The following MARCHF1 variants were observed in gnomAD, a reference collection of about 807,000 sequenced individuals.
The protein encoded by MARCHF1 is membrane associated ring-CH-type finger 1.
Under a neutral mutation model 54.2 loss-of-function variants are expected in MARCHF1, and 40 were observed. That is an observed-to-expected ratio of 0.74 (90% confidence interval 0.57 to 0.96). The LOEUF (loss-of-function observed/expected upper bound fraction) is 0.96. MARCHF1 is among the 40% of genes least tolerant of loss of function. MARCHF1 has a pLI of 0.00. For synonymous variants in MARCHF1, 236 were observed against 236.3 expected (o/e 1.00, Z 0.01); for missense variants, 586 against 656.5 (o/e 0.89, Z 1.17).
chr4:164,310,142 A>G (rs1734809602), intron 1 of MARCHF1, among the ~76,000 whole-genome samples: 1 of 152,022 alleles, frequency 6.6e-6, no homozygotes, highest in Non-Finnish European at 1.5e-5. Flanking sequence ...CAGTGGCGCC[A>G]TCTCGGCTCA....
In MARCHF1 at chr4:164,092,121, A is replaced by G. The variant is rs373046344; in HGVS notation, c.-248+19467T>C. ...GTTGCTGGATCTCTAACCTGCCTACAAGGACAAGTAATGAGGCTCAATGAT... is the reference window on the plus strand; with the variant it reads ...GTTGCTGGATCTCTAACCTGCCTACGAGGACAAGTAATGAGGCTCAATGAT... On this transcript the variant is annotated intron_variant, in intron 2 of 9. Transcript: ENST00000514618. Among the ~76,000 whole-genome samples, 8 of 152,192 alleles carry G rather than the reference A, an allele frequency of 5.3e-5. No homozygotes were observed. The East Asian group carries it at 5.8e-4, about 11-fold the overall frequency.
intron 1 of MARCHF1, among the ~76,000 whole-genome samples, chr4:164,120,133 G>C (rs1756035144): frequency 6.6e-6 from 1 of 151,888 alleles, no homozygotes; most frequent in Admixed American, 6.6e-5. Flanking sequence ...TGAAAATCAA[G>C]GGATAGATAC....
chr4:164,376,069 T>A lies in MARCHF1; in HGVS notation c.-323+7801A>T, dbSNP rs538389720. Among the ~76,000 whole-genome samples the A allele has an allele frequency of 4.0e-4, 61 of 152,198 alleles. 1 individual carries two copies. Among genetic ancestry groups the A allele is most frequent in the Non-Finnish European group, 4.4e-4 (30 of 68,014 alleles). ...AATTAATTTCACAGAAATAAAAAGCTCCAAAGAGGCAGGAATCATGCCACA... is the reference window on the plus strand; with the variant it reads ...AATTAATTTCACAGAAATAAAAAGCACCAAAGAGGCAGGAATCATGCCACA... On this transcript the variant is annotated intron_variant, in intron 1 of 9. Coordinates refer to ENST00000514618, the MANE Select transcript of MARCHF1 (RefSeq NM_001394959.1).
intron 7 of MARCHF1, among the ~76,000 whole-genome samples, chr4:163,595,063 T>G (rs1740718222): frequency 6.6e-6 from 1 of 151,152 alleles, no homozygotes; most frequent in Non-Finnish European, 1.5e-5. Context: ...CATCAACTTA[T>G]CAATAGAGAA....
intron 1 of MARCHF1, among the ~76,000 whole-genome samples, chr4:164,186,377 G>A (rs758059301): frequency 2.8e-4 from 42 of 152,110 alleles, no homozygotes; most frequent in Admixed American, 4.6e-4. Context: ...ATATCATTTA[G>A]CCATGCTCTA....
intron 5 of MARCHF1, among the ~76,000 whole-genome samples, chr4:163,686,401 G>C (rs1165844426): frequency 6.6e-6 from 1 of 150,640 alleles, no homozygotes. Flanking sequence ...TAGGGAATAA[G>C]ATAAGTGGAA....
rs534775801 is a variant in MARCHF1, at chr4:164,205,073, C to G, written c.-322-93411G>C. ...ATATAGTGTTTTACTGTATCCATTC[C>G]TTTGATTTACTGAGTTTAAATCTAC... On this transcript the variant is annotated intron_variant, in intron 1 of 9. Transcript: ENST00000514618. Among the ~76,000 whole-genome samples, 9 of 152,104 alleles carry G rather than the reference C, an allele frequency of 5.9e-5. No individual in the cohort carries two copies. In the South Asian group the frequency reaches 1.0e-3, roughly 18 times the overall value.
intron 2 of MARCHF1, among the ~76,000 whole-genome samples, chr4:163,991,955 T>C (rs1752974336): frequency 6.6e-6 from 1 of 151,678 alleles, no homozygotes; most frequent in East Asian, 1.9e-4. Context: ...TCTGATTTGG[T>C]GCTGTTCCTT....
chr4:163,892,898 T>C (rs987395549), intron 3 of MARCHF1, among the ~76,000 whole-genome samples: 1 of 152,108 alleles, frequency 6.6e-6, no homozygotes, highest in Non-Finnish European at 1.5e-5. Flanking sequence ...GGAGGATTCA[T>C]ATTTGTGCCA....
intron 8 of MARCHF1, among the ~76,000 whole-genome samples, chr4:163,561,585 T>C (rs1320738073): frequency 6.6e-6 from 1 of 152,210 alleles, no homozygotes; most frequent in Non-Finnish European, 1.5e-5. Context: ...TAGCACGTTT[T>C]GAATGCCAAT....
At chr4:164,184,992 AT>A (rs1489158750) in intron 1 of MARCHF1, among the ~76,000 whole-genome samples, 1 of 152,228 alleles carries the variant, frequency 6.6e-6, no homozygotes, top group African/African-American at 2.4e-5. Flanking sequence ...TAAATTTCAT[AT>A]TGTTTGTATC....
At chr4:163,842,978 G>T (rs1434368682) in intron 4 of MARCHF1, among the ~76,000 whole-genome samples, 1 of 97,908 alleles carries the variant, frequency 1.0e-5, no homozygotes, top group East Asian at 3.2e-4. Flanking sequence ...GTGAGTACAG[G>T]GTGCAATAGG....
At chr4:164,050,968 C>G (rs887733163) in intron 2 of MARCHF1, among the ~76,000 whole-genome samples, 2 of 151,934 alleles carry the variant, frequency 1.3e-5, no homozygotes, top group African/African-American at 4.8e-5. Flanking sequence ...ATAATAATAT[C>G]CGTGAGATCA....
chr4:164,066,765 G>C (rs182911732), intron 2 of MARCHF1, among the ~76,000 whole-genome samples: 54 of 152,224 alleles, frequency 3.5e-4, no homozygotes, highest in African/African-American at 1.3e-3. Flanking sequence ...AAGTAACACA[G>C]GAACAGAAAA....
chr4:164,313,695 A>T lies in MARCHF1; in HGVS notation c.-323+70175T>A, dbSNP rs535796077. On this transcript the variant is annotated intron_variant, in intron 1 of 9. Coordinates refer to ENST00000514618, the MANE Select transcript of MARCHF1 (RefSeq NM_001394959.1). ...TTAAAAGAAAAAAAAATATCCAAAT[A>T]ACAGAATGCATCATCTTCCCAAAAT... 9.2e-5 allele frequency among the ~76,000 whole-genome samples: 14 copies of T among 152,282 alleles called. No individual in the cohort carries two copies. In the East Asian group the frequency reaches 2.7e-3, roughly 29 times the overall value.
chr4:164,218,408 A>G (rs998897084), intron 1 of MARCHF1, among the ~76,000 whole-genome samples: 12 of 152,080 alleles, frequency 7.9e-5, no homozygotes, highest in Non-Finnish European at 1.6e-4. Flanking sequence ...GTTAGAGAAT[A>G]AAAGAAGGGG....
At position 164,153,381 on chromosome 4, in the gene MARCHF1, CCCATCCAGTGGAAAAATAA is replaced by C. The variant is rs1309509336; in HGVS notation, c.-322-41738_-322-41720del. The stretch of plus-strand genomic sequence containing the variant: ...AGAAGGAATAACTCAAACTCAAGTA[CCCATCCAGTGGAAAAATAA>C]CCATTGAAATAAAATCAAAATATAT... On this transcript the variant is annotated intron_variant, in intron 1 of 9. Coordinates refer to ENST00000514618, the MANE Select transcript of MARCHF1 (RefSeq NM_001394959.1). Among the ~76,000 whole-genome samples, 7 of 152,034 alleles carry C rather than the reference CCCATCCAGTGGAAAAATAA, an allele frequency of 4.6e-5. No homozygotes were observed. In the East Asian group the frequency reaches 1.3e-3, roughly 29 times the overall value.
chr4:163,725,032 C>T (rs564006650), intron 4 of MARCHF1, among the ~76,000 whole-genome samples: 85 of 152,138 alleles, frequency 5.6e-4, no homozygotes, highest in African/African-American at 2.0e-3. Flanking sequence ...CACTGTCCAA[C>T]GATCCCCAGT....
At chr4:163,914,983 G>T (rs1751276573) in intron 3 of MARCHF1, among the ~76,000 whole-genome samples, 1 of 152,132 alleles carries the variant, frequency 6.6e-6, no homozygotes, top group Non-Finnish European at 1.5e-5. Flanking sequence ...TAAGGCTGGA[G>T]AAATAGGCAG....
Sources: allele counts gnomAD v4.1 joint callset (sites outside exome capture counted in the v4.1 genomes callset), GRCh38; gene constraint gnomAD v4.1.1; transcripts MANE v1.5; gene names NCBI Gene and HGNC (gene_info 2026-07-23, HGNC 2026-07-21).